The following HIF1A variants were observed in gnomAD, a reference collection of about 807,000 sequenced individuals.
The protein encoded by HIF1A is hypoxia inducible factor 1 subunit alpha.
Under a neutral mutation model 92.7 loss-of-function variants are expected in HIF1A, and 24 were observed. The observed-to-expected ratio is 0.26, with a 90% confidence interval of 0.19 to 0.36. HIF1A has a LOEUF of 0.36. Ranked by LOEUF, HIF1A falls within the 10% of genes least tolerant of loss-of-function variation. HIF1A has a pLI of 1.00. For missense variants in HIF1A, 799 were observed against 998.5 expected, an observed-to-expected ratio of 0.80 and a Z score of 2.69; for synonymous variants, 319 against 338.7, an observed-to-expected ratio of 0.94 and a Z score of 0.64.
rs1008558586 is a variant in HIF1A at position 61,747,446 on chromosome 14, C to G, written c.*361C>G. The G allele has an allele frequency of 6.3e-6, 1 of 158,736 alleles. No individual in the cohort carries two copies. The highest frequency in any genetic ancestry group is 2.4e-5 in the African/African-American group (1 of 41,604). The allele number at this position is 158,736 out of a possible 1,614,324, so 9.8% of individuals were successfully genotyped here. A position where few individuals can be genotyped will look rare whatever the true frequency, so the allele number is the denominator to read the frequency against. On this transcript the variant is annotated 3_prime_UTR_variant, in exon 15 of 15. Transcript: ENST00000337138. ...ATAATTTTTGTAAGAAGGCAGTAACCTTTCATCATGATCATAGGCAGTTGA... is the reference window on the plus strand; with the variant it reads ...ATAATTTTTGTAAGAAGGCAGTAACGTTTCATCATGATCATAGGCAGTTGA...
chr14:61,740,911 C>G lies in HIF1A; in HGVS notation c.1816C>G (p.Gln606Glu), dbSNP rs1176753268. 2 of 1,614,030 alleles carry G rather than the reference C, an allele frequency of 1.2e-6. No homozygotes were observed. ...QSTVTVFQQT[Q>E]IQEPTANATT... ...CACAGTTACAGTATTCCAGCAGACTCAAATACAAGAACCTACTGCTAATGC... is the reference window on the plus strand; with the variant it reads ...CACAGTTACAGTATTCCAGCAGACTGAAATACAAGAACCTACTGCTAATGC... Residue 606 changes from glutamine to glutamate, a missense_variant, in exon 12 of 15, where the codon CAA (glutamine) becomes GAA (glutamate). By Grantham distance (29) the Gln-to-Glu change is conservative. Around this residue, in one of 2 missense-constraint regions of HIF1A, gnomAD observed 283 missense variants for 277.5 expected, o/e 1.02. Transcript: ENST00000337138.
At chr14:61,745,254 C>G (rs1215363060) in intron 13 of HIF1A, among the ~76,000 whole-genome samples, 3 of 152,146 alleles carry the variant, frequency 2.0e-5, no homozygotes, top group African/African-American at 7.2e-5. Context: ...GAAACCCTGT[C>G]TCTACTAAAA....
At chr14:61,710,148 A>G (rs1460846348) in intron 1 of HIF1A, among the ~76,000 whole-genome samples, 1 of 152,196 alleles carries the variant, frequency 6.6e-6, no homozygotes, top group African/African-American at 2.4e-5. Flanking sequence ...CTCTGTTCAT[A>G]TAATACTATA....
chr14:61,695,748 G>A lies in HIF1A; in HGVS notation c.-57G>A, dbSNP rs565403003. 23 of 1,556,692 alleles carry A rather than the reference G, an allele frequency of 1.5e-5. No homozygotes were observed. The East Asian group carries it at 4.5e-4, about 30-fold the overall frequency. Reference sequence around the variant, plus strand: ...CGCGTGTGGAGGGAGCCAGCGCTTAGGCCGGAGCGAGCCTGGGGGCCGCCC... The same window carrying A: ...CGCGTGTGGAGGGAGCCAGCGCTTAAGCCGGAGCGAGCCTGGGGGCCGCCC... On this transcript the variant is annotated 5_prime_UTR_variant, in exon 1 of 15. Coordinates refer to ENST00000337138, the MANE Select transcript of HIF1A (RefSeq NM_001530.4).
At chr14:61,735,147 G>A (rs1022641392) in intron 8 of HIF1A, among the ~76,000 whole-genome samples, 2 of 152,132 alleles carry the variant, frequency 1.3e-5, no homozygotes, top group African/African-American at 4.8e-5. Context: ...TTTCTAGTGT[G>A]GATATGTCAT....
chr14:61,719,908 T>A (rs1242752073), intron 1 of HIF1A, among the ~76,000 whole-genome samples: 1 of 152,174 alleles, frequency 6.6e-6, no homozygotes, highest in Admixed American at 6.5e-5. Flanking sequence ...AAGAAACAAG[T>A]AGAAATCAGT....
chr14:61,716,269 T>C (rs1286260646), intron 1 of HIF1A, among the ~76,000 whole-genome samples: 1 of 152,164 alleles, frequency 6.6e-6, no homozygotes, highest in Non-Finnish European at 1.5e-5. Flanking sequence ...GGAAAGCTAT[T>C]GTGTATTTTA....
chr14:61,724,528 A>G (rs1477676504), intron 4 of HIF1A, among the ~76,000 whole-genome samples: 2 of 152,108 alleles, frequency 1.3e-5, no homozygotes, highest in Non-Finnish European at 2.9e-5. Context: ...AGGACTGCCC[A>G]TCTTTCCTAG....
At chr14:61,721,399 A>G in intron 2 of HIF1A, 110 bp from the exon 3 acceptor site, 1 of 803,238 alleles carries the variant, frequency 1.2e-6, no homozygotes, top group Non-Finnish European at 2.0e-6. Context: ...AAATGGCTGT[A>G]TATATTAAAT....
rs376051644 is a variant in HIF1A, at chr14:61,740,179, G to A, written c.1537-326G>A. The A allele has an allele frequency of 1.8e-3, 257 of 145,164 alleles. 8 individuals carry two copies. The South Asian group carries it at 0.048, about 27-fold the overall frequency. 9.0% of individuals were successfully genotyped at this position (145,164 alleles called of 1,614,324 possible). On this transcript the variant is annotated intron_variant, in intron 10 of 14. Transcript: ENST00000337138. ...CCTCCCAGGTTCAAGTGATTCTCCT[G>A]CCTCAGCCTCCTGAGTAGCTGGGAT...
Position 61,741,289 on chromosome 14 carries a change from T to C in HIF1A, c.2093+101T>C, listed in dbSNP as rs183820461. On this transcript the variant is annotated intron_variant, in intron 12 of 14. Coordinates refer to ENST00000337138, the MANE Select transcript of HIF1A (RefSeq NM_001530.4). The stretch of plus-strand genomic sequence containing the variant: ...TAAACTTATAGCAAACTTTCTGATA[T>C]ATATGCCCTAACGCAAATTCTTGAG... 21 of 721,202 alleles carry C rather than the reference T, an allele frequency of 2.9e-5. No individual in the cohort carries two copies. The East Asian group carries it at 5.0e-4, about 17-fold the overall frequency. The allele number at this position is 721,202 out of a possible 1,614,324, so 44.7% of individuals were successfully genotyped here.
At chr14:61,704,726 C>T (rs1228727075) in intron 1 of HIF1A, among the ~76,000 whole-genome samples, 1 of 152,178 alleles carries the variant, frequency 6.6e-6, no homozygotes, top group Non-Finnish European at 1.5e-5. Flanking sequence ...CAACGCTTAA[C>T]CATGACTCAG....
intron 8 of HIF1A, among the ~76,000 whole-genome samples, chr14:61,736,496 G>A (rs1470232142): frequency 6.6e-6 from 1 of 152,044 alleles, no homozygotes; most frequent in Admixed American, 6.6e-5. Flanking sequence ...TCCCCTAGTA[G>A]TCCTCAGTGT....
intron 1 of HIF1A, among the ~76,000 whole-genome samples, chr14:61,701,849 G>A (rs1447338316): frequency 2.6e-5 from 4 of 152,004 alleles, no homozygotes; most frequent in African/African-American, 4.8e-5. Flanking sequence ...TTAGCCAGGC[G>A]TGGTGGCGGG....
At chr14:61,739,943 G>A (rs1483328681) in intron 10 of HIF1A, 2 of 151,370 alleles carry the variant, frequency 1.3e-5, no homozygotes, top group Non-Finnish European at 2.9e-5. Flanking sequence ...TTATTCTTTA[G>A]AATAAGGTGT....
chr14:61,714,603 T>G (rs2044342719), intron 1 of HIF1A, among the ~76,000 whole-genome samples: 1 of 152,194 alleles, frequency 6.6e-6, no homozygotes, highest in Admixed American at 6.5e-5. Flanking sequence ...CACCTCATGT[T>G]AGGAGACTGC....
At position 61,721,813 on chromosome 14, in the gene HIF1A, A is replaced by G. The variant is rs1403993944; in HGVS notation, c.447A>G (p.Thr149=). 6.2e-7 allele frequency: 1 copy of G among 1,609,672 alleles called. No homozygotes were observed. Among genetic ancestry groups the G allele is most frequent in the African/African-American group, 1.3e-5 (1 of 74,844 alleles). ...CDHEEMREML[T]HRNGLVKKGK... ...ATGAGGAAATGAGAGAAATGCTTAC[A>G]CACAGAAATGGTAAGAAAAGTCTGT... The change falls in exon 4 of 15, where the codon ACA becomes ACG. Residue 149 remains threonine, a synonymous_variant. Transcript: ENST00000337138.
Position 61,738,284 on chromosome 14 carries a change from G to C in HIF1A, c.1447G>C (p.Glu483Gln), listed in dbSNP as rs763574610. The change falls in exon 10 of 15, where the codon GAG becomes CAG. Residue 483 changes from glutamate to glutamine, a missense_variant. Coordinates refer to ENST00000337138, the MANE Select transcript of HIF1A (RefSeq NM_001530.4). ...TGCATTAAAATTAGAACCAAATCCAGAGTCACTGGAACTTTCTTTTACCAT... is the reference window on the plus strand; with the variant it reads ...TGCATTAAAATTAGAACCAAATCCACAGTCACTGGAACTTTCTTTTACCAT... ...EVALKLEPNP[E>Q]SLELSFTMPQ... The C allele has an allele frequency of 1.2e-6, 2 of 1,614,072 alleles. No homozygotes were observed. Among genetic ancestry groups the C allele is most frequent in the South Asian group, 2.2e-5 (2 of 91,076 alleles).
rs1372884147 is a variant in HIF1A, at chr14:61,744,822, GAGT to G, written c.2202+15_2202+17del. Reference sequence around the variant, plus strand: ...TTCAAGCAGTAGGAATTGTAAGTATGAGTAGTAGGTTTTGCTTTTCTAGCTAAT... The same window carrying G: ...TTCAAGCAGTAGGAATTGTAAGTATGAGTAGGTTTTGCTTTTCTAGCTAAT... On this transcript the variant is annotated intron_variant, in intron 13 of 14. Coordinates refer to ENST00000337138, the MANE Select transcript of HIF1A (RefSeq NM_001530.4). 1.2e-5 allele frequency: 17 copies of G among 1,395,338 alleles called. No homozygotes were observed. The highest frequency in any genetic ancestry group is 1.6e-5 in the Non-Finnish European group (16 of 986,358). The allele number at this position is 1,395,338 out of a possible 1,614,324, so 86.4% of individuals were successfully genotyped here. A position where few individuals can be genotyped will look rare whatever the true frequency, so the allele number is the denominator to read the frequency against.
Sources: gnomAD v4.1 joint callset for allele counts (sites outside exome capture counted in the v4.1 genomes callset) on GRCh38, gnomAD v4.1.1 for gene constraint, gnomAD v4.1.1 regional missense constraint, MANE v1.5 for transcripts, NCBI Gene and HGNC (gene_info 2026-07-23, HGNC 2026-07-21) for gene names.